Variants in WNK4 observed in about 807,000 individuals in gnomAD.
The protein encoded by WNK4 is serine/threonine-protein kinase WNK4.
Under a neutral mutation model 116.2 loss-of-function variants are expected in WNK4, and 94 were observed. The observed-to-expected ratio is 0.81, with a 90% CI of 0.68 to 0.96. The LOEUF (loss-of-function observed/expected upper bound fraction) is 0.96, where lower values mean the gene tolerates loss of function less well. Ranked by LOEUF, WNK4 falls within the 40% of genes least tolerant of loss-of-function variation. The probability of loss-of-function intolerance (pLI) is 0.00; values close to 1 mark genes in which losing one functional copy is unlikely to be tolerated. For synonymous variants in WNK4, 655 were observed against 672.7 expected (o/e 0.97, Z 0.41); for missense variants, 1,542 against 1,650.6 (o/e 0.93, Z 1.14).
At position 42,793,636 on chromosome 17, in the gene WNK4, C is replaced by T. The variant is rs1208816090; in HGVS notation, c.2202C>T (p.Leu734=). ...FILPSERDGF[L]RRIREIIQRV... is the part of the protein sequence containing the mutation. ...TGCCTTCGGAGCGAGATGGATTTCT[C>T]AGACGGATTCGGGAGATTATCCAGC... Residue 734 remains leucine, a synonymous_variant, in exon 12 of 19, where the codon CTC becomes CTT. Transcript: ENST00000246914. The T allele has an allele frequency of 1.2e-6, 2 of 1,614,116 alleles. No individual in the cohort carries two copies. Among genetic ancestry groups the T allele is most frequent in the South Asian group, 1.1e-5 (1 of 91,078 alleles).
In WNK4 at chr17:42,784,441, C is replaced by T. The variant is rs1341366227; in HGVS notation, c.1032C>T (p.Ala344=). The part of the protein sequence containing the change: ...KSVIGTPEFM[A]PEMYEEKYDE... ...CTACAGGGACCCCGGAATTCATGGC[C>T]CCCGAGATGTACGAGGAAAAGTACG... Residue 344 remains alanine (A), a synonymous_variant, in exon 4 of 19, where the codon GCC becomes GCT. Coordinates refer to ENST00000246914, the MANE Select transcript of WNK4 (RefSeq NM_032387.5). The surrounding 1 kb of genome is among the most constrained non-coding windows in gnomAD (Gnocchi z 4.4). 10 of 1,613,856 alleles carry T rather than the reference C, an allele frequency of 6.2e-6. No homozygotes were observed. Among genetic ancestry groups the T allele is most frequent in the Non-Finnish European group, 6.8e-6 (8 of 1,179,922 alleles).
intron 17 of WNK4, 70 bp from the exon 18 acceptor site, chr17:42,796,411 G>A (rs2054674089): frequency 6.2e-7 from 1 of 1,613,656 alleles, no homozygotes. Context: ...TCTGCCCCGG[G>A]GGAATAGACC....
chr17:42,786,074 C>T (rs752757879), intron 6 of WNK4, among the ~76,000 whole-genome samples: 8 of 152,200 alleles, frequency 5.3e-5, no homozygotes, highest in Non-Finnish European at 1.2e-4. Context: ...GCTTAAAGCA[C>T]TTTCACATGC....
chr17:42,795,318 C>T lies in WNK4; in HGVS notation c.2897C>T (p.Pro966Leu). The T allele has an allele frequency of 6.2e-7, 1 of 1,614,130 alleles. No homozygotes were observed. ...AGTCCCCTCCCTAGCCTGCCCCTTC[C>T]CCCTCCCGTTGCTCCTGGTGGCCAG... ...PPSPLPSLPLPPPVAPGGQES... is the reference protein window; with the variant it reads ...PPSPLPSLPLLPPVAPGGQES... Residue 966 changes from proline (P) to leucine (L), a missense_variant, in exon 14 of 19, where the codon CCC becomes CTC. Coordinates refer to ENST00000246914, the MANE Select transcript of WNK4 (RefSeq NM_032387.5).
At position 42,782,652 on chromosome 17, in the gene WNK4, C is replaced by G. The variant is rs2054497434; in HGVS notation, c.619-106C>G. 7.6e-7 allele frequency: 1 copy of G among 1,320,628 alleles called. No individual in the cohort carries two copies. The highest frequency in any genetic ancestry group is 1.5e-5 in the African/African-American group (1 of 68,712). The allele number at this position is 1,320,628 out of a possible 1,614,324, so 81.8% of individuals were successfully genotyped here. The stretch of plus-strand genomic sequence containing the variant: ...AGTAATCCCATTAACCCCACCCCAT[C>G]TGTGGGCTCCAACCCTCACCTCTTC... On this transcript the variant is annotated intron_variant, in intron 1 of 18. Coordinates refer to ENST00000246914, the MANE Select transcript of WNK4 (RefSeq NM_032387.5). This position sits in a 1 kb window ranked among gnomAD's most constrained non-coding sequence, Gnocchi z 4.2.
intron 11 of WNK4, among the ~76,000 whole-genome samples, chr17:42,790,678 T>A (rs939805327): frequency 1.3e-5 from 2 of 151,856 alleles, no homozygotes; most frequent in African/African-American, 4.8e-5. Flanking sequence ...AGGATGTTAG[T>A]CAAAACTGAG....
intron 11 of WNK4, among the ~76,000 whole-genome samples, chr17:42,791,822 T>G (rs975996614): frequency 2.0e-5 from 3 of 151,720 alleles, no homozygotes; most frequent in African/African-American, 7.3e-5. Context: ...CTGGGCATGG[T>G]GCCAGGCAGT....
chr17:42,796,098 T>A, intron 16 of WNK4, 25 bp from the exon 17 acceptor site: 1 of 1,614,002 alleles, frequency 6.2e-7, no homozygotes, highest in Non-Finnish European at 8.5e-7. Context: ...TGGCTAGCCC[T>A]TTCATGCCCT....
chr17:42,796,395 TGGGGGTCTGCCCCG>T, intron 17 of WNK4, 72 bp from the exon 18 acceptor site: 1 of 1,613,216 alleles, frequency 6.2e-7, no homozygotes, highest in Non-Finnish European at 8.5e-7. Flanking sequence ...CTCCAGGCCC[TGGGGGTCTGCCCCG>T]GGGGAATAGA....
chr17:42,795,092 A>G lies in WNK4; in HGVS notation c.2671A>G (p.Thr891Ala), dbSNP rs141615112. 131 of 1,613,004 alleles carry G rather than the reference A, an allele frequency of 8.1e-5. 1 individual carries two copies. In the African/African-American group the frequency reaches 1.7e-3, roughly 21 times the overall value. ...WSSLPTTSPP[T>A]FSPTCSQVTL... ...TTCTCTCCCCACGACTTCTCCACCT[A>G]CGTTCTCTCCCACTTGTTCTCAGGT... is the stretch of plus-strand genomic sequence containing the variant. Residue 891 changes from threonine (T) to alanine (A), a missense_variant, in exon 14 of 19, where the codon ACG (threonine) becomes GCG (alanine). By Grantham distance (58) the Thr-to-Ala change is moderately conservative (BLOSUM62 0). Around this residue, in one of 7 missense-constraint regions of WNK4, gnomAD observed 292 missense variants for 290.1 expected, o/e 1.01. Coordinates refer to ENST00000246914, the MANE Select transcript of WNK4 (RefSeq NM_032387.5).
At chr17:42,787,647 C>G (rs769505608) in intron 7 of WNK4, 105 bp downstream of exon 7, 36 of 1,594,952 alleles carry the variant, frequency 2.3e-5, no homozygotes, top group Middle Eastern at 1.6e-4. Flanking sequence ...CCTTCCACCT[C>G]TAGCCATGAA....
chr17:42,784,442 C>G lies in WNK4; in HGVS notation c.1033C>G (p.Pro345Ala), dbSNP rs1040324609. ...TACAGGGACCCCGGAATTCATGGCCCCCGAGATGTACGAGGAAAAGTACGA... is the reference window on the plus strand; with the variant it reads ...TACAGGGACCCCGGAATTCATGGCCGCCGAGATGTACGAGGAAAAGTACGA... ...SVIGTPEFMA[P>A]EMYEEKYDEA... Residue 345 changes from proline to alanine, a missense_variant, in exon 4 of 19, where the codon CCC becomes GCC. Pro to Ala is a conservative substitution (Grantham distance 27, BLOSUM62 -1). Coordinates refer to ENST00000246914, the MANE Select transcript of WNK4 (RefSeq NM_032387.5). The surrounding 1 kb of genome is among the most constrained non-coding windows in gnomAD (Gnocchi z 4.4). The G allele has an allele frequency of 5.0e-6, 8 of 1,613,686 alleles. No individual in the cohort carries two copies. In the African/African-American group the frequency reaches 1.1e-4, roughly 22 times the overall value.
In WNK4 at chr17:42,797,016, A is replaced by G; in HGVS notation, c.*328A>G. On this transcript the variant is annotated 3_prime_UTR_variant, in exon 19 of 19. Coordinates refer to ENST00000246914, the MANE Select transcript of WNK4 (RefSeq NM_032387.5). ...ACTCCCAGCTGGGAGAGTGTAGGGG[A>G]TATGCTCACACCACATTAGCAGCAA... is the stretch of plus-strand genomic sequence containing the variant. 2.1e-6 allele frequency: 1 copy of G among 484,236 alleles called. No individual in the cohort carries two copies. Among genetic ancestry groups the G allele is most frequent in the Non-Finnish European group, 3.8e-6 (1 of 265,720 alleles). 30.0% of individuals were successfully genotyped at this position (484,236 alleles called of 1,614,324 possible).
chr17:42,796,478 C>G lies in WNK4; in HGVS notation c.3632-3C>G. 6.2e-7 allele frequency: 1 copy of G among 1,614,062 alleles called. No individual in the cohort carries two copies. The highest frequency in any genetic ancestry group is 8.5e-7 in the Non-Finnish European group (1 of 1,179,914). ...TGCTCTCCTTCCCCCATCCTGCTCCCAGGCATCATGCGAAGGAACTCTCTG... is the reference window on the plus strand; with the variant it reads ...TGCTCTCCTTCCCCCATCCTGCTCCGAGGCATCATGCGAAGGAACTCTCTG... On this transcript the variant is annotated splice_polypyrimidine_tract_variant and splice_region_variant and intron_variant, in intron 17 of 18. Coordinates refer to ENST00000246914, the MANE Select transcript of WNK4 (RefSeq NM_032387.5).
rs984213205 is a variant in WNK4, at chr17:42,784,615, A to C, written c.1170+36A>C. 1.9e-6 allele frequency: 3 copies of C among 1,613,074 alleles called. No individual in the cohort carries two copies. The highest frequency in any genetic ancestry group is 2.5e-6 in the Non-Finnish European group (3 of 1,179,776). On this transcript the variant is annotated intron_variant, in intron 4 of 18. Transcript: ENST00000246914. The surrounding 1 kb of genome is among the most constrained non-coding windows in gnomAD (Gnocchi z 4.4). ...TGGGGCTGGCGGGAAAGGCAATTCC[A>C]GGGCCACTTCCCCTTTTCCTGCGCC...
chr17:42,787,806 C>T lies in WNK4; in HGVS notation c.1770C>T (p.Ser590=). Residue 590 remains serine, a synonymous_variant, in exon 8 of 19, where the codon AGC becomes AGT. Transcript: ENST00000246914. Reference sequence around the variant, plus strand: ...ATTGCGAGACTGATGGCTACCTCAGCTCCTCCGGCTTCCTGGATGCCTCAG... The same window carrying T: ...ATTGCGAGACTGATGGCTACCTCAGTTCCTCCGGCTTCCTGGATGCCTCAG... ...TSDCETDGYL[S]SSGFLDASDP... The T allele has an allele frequency of 6.2e-7, 1 of 1,612,516 alleles. No homozygotes were observed. Among genetic ancestry groups the T allele is most frequent in the Non-Finnish European group, 8.5e-7 (1 of 1,180,020 alleles).
Position 42,782,758 on chromosome 17 carries a change from A to G in WNK4, c.619A>G (p.Thr207Ala). The part of the protein sequence containing the change: ...TVEVAWCELQ[T>A]RKLSRAERQR... Reference sequence around the variant, plus strand: ...ATGACACCCGTCCCCCATCCCACAGACTCGGAAACTGTCTAGAGCTGAGCG... The same window carrying G: ...ATGACACCCGTCCCCCATCCCACAGGCTCGGAAACTGTCTAGAGCTGAGCG... Residue 207 changes from threonine to alanine, a missense_variant and splice_region_variant, in exon 2 of 19, where the codon ACT becomes GCT. By Grantham distance (58) the Thr-to-Ala change is moderately conservative (BLOSUM62 0). Transcript: ENST00000246914. The surrounding 1 kb of genome is among the most constrained non-coding windows in gnomAD (Gnocchi z 4.2). 6.2e-7 allele frequency: 1 copy of G among 1,613,702 alleles called. No individual in the cohort carries two copies. The highest frequency in any genetic ancestry group is 1.1e-5 in the South Asian group (1 of 91,056).
In WNK4 at chr17:42,791,962, A is replaced by AAT. The variant is rs1555658250; in HGVS notation, c.2158-1629_2158-1628insTA. Among the ~76,000 whole-genome samples the AAT allele has an allele frequency of 4.6e-3, 698 of 151,988 alleles. 4 individuals are homozygous for AAT. Among genetic ancestry groups the AAT allele is most frequent in the African/African-American group, 0.016 (666 of 41,316 alleles). On this transcript the variant is annotated intron_variant, in intron 11 of 18. Coordinates refer to ENST00000246914, the MANE Select transcript of WNK4 (RefSeq NM_032387.5). ...AAGGCTCAGTCTCAAAAAAAAAAAA[A>AAT]AATAATAATGTACCATGCCTTTCAT...
chr17:42,787,920 G>A (rs2054568853), intron 8 of WNK4, 21 bp downstream of exon 8: 2 of 1,608,162 alleles, frequency 1.2e-6, no homozygotes, highest in African/African-American at 1.3e-5. Flanking sequence ...GTCGCATGGG[G>A]GGCTCCCAGC....
Sources: gnomAD v4.1 joint callset for allele counts (sites outside exome capture counted in the v4.1 genomes callset) on GRCh38, gnomAD v4.1.1 for gene constraint, gnomAD v4.1.1 regional missense constraint, Gnocchi (gnomAD v3.1) non-coding constraint, MANE v1.5 for transcripts, NCBI Gene and HGNC (gene_info 2026-07-23, HGNC 2026-07-21) for gene names.